CSMD3: variants seen among roughly 807,000 people sequenced by gnomAD.
The protein encoded by CSMD3 is CUB and sushi domain-containing protein 3.
A neutral mutation model predicts 435.2 loss-of-function variants in CSMD3; 177 were observed. That is an observed-to-expected ratio of 0.41 (90% CI 0.36 to 0.46). The LOEUF (loss-of-function observed/expected upper bound fraction) is 0.46, where lower values mean the gene tolerates loss of function less well. CSMD3 is among the 20% of genes least tolerant of loss of function. The probability of loss-of-function intolerance (pLI) is 0.34; values close to 1 mark genes in which losing one functional copy is unlikely to be tolerated. For missense variants in CSMD3, 4,265 were observed against 4,504.6 expected, an observed-to-expected ratio of 0.95 and a Z score of 1.52; for synonymous variants, 1,656 against 1,520.5, an observed-to-expected ratio of 1.09 and a Z score of -2.07.
intron 12 of CSMD3, among the ~76,000 whole-genome samples, chr8:112,812,442 A>G (rs1250140345): frequency 2.0e-5 from 3 of 152,306 alleles, no homozygotes; most frequent in East Asian, 1.9e-4. Flanking sequence ...GCATGCCAAC[A>G]TATAAAACCC....
intron 1 of CSMD3, among the ~76,000 whole-genome samples, chr8:113,334,277 G>GTTTTTT (rs199620801): frequency 3.8e-5 from 3 of 78,746 alleles, no homozygotes; most frequent in East Asian, 3.8e-4. Flanking sequence ...GATAGTTTAA[G>GTTTTTT]TTTTTTTTTT....
chr8:112,855,222 A>G (rs1034101973), intron 11 of CSMD3, among the ~76,000 whole-genome samples: 1 of 152,170 alleles, frequency 6.6e-6, no homozygotes, highest in Non-Finnish European at 1.5e-5. Context: ...CTAGACCAAT[A>G]TCCTTCAAAC....
chr8:113,137,997 C>T (rs2091457639), intron 4 of CSMD3, among the ~76,000 whole-genome samples: 1 of 151,542 alleles, frequency 6.6e-6, no homozygotes, highest in African/African-American at 2.4e-5. Context: ...AACAAACTTA[C>T]TTAACATTTC....
chr8:112,840,589 T>C (rs1423172580), intron 11 of CSMD3, among the ~76,000 whole-genome samples: 6 of 151,746 alleles, frequency 4.0e-5, no homozygotes, highest in African/African-American at 1.2e-4. Context: ...GTGATAAATA[T>C]AATAATTATT....
intron 4 of CSMD3, among the ~76,000 whole-genome samples, chr8:113,126,903 C>T (rs1029926482): frequency 2.6e-5 from 4 of 151,952 alleles, no homozygotes; most frequent in Non-Finnish European, 4.4e-5. Context: ...TTTCCCCTCT[C>T]CTCCTAGATA....
intron 18 of CSMD3, among the ~76,000 whole-genome samples, chr8:112,652,690 T>A (rs1367802280): frequency 6.6e-6 from 1 of 152,206 alleles, no homozygotes; most frequent in Non-Finnish European, 1.5e-5. Flanking sequence ...CAAGGCATAA[T>A]GCAAGGCAAT....
intron 30 of CSMD3, among the ~76,000 whole-genome samples, chr8:112,493,050 G>A (rs1192417161): frequency 6.6e-6 from 1 of 152,044 alleles, no homozygotes; most frequent in Non-Finnish European, 1.5e-5. Flanking sequence ...TTTAAGACAT[G>A]TTCATTTCTT....
At chr8:112,497,485 AT>A (rs2130883853) in intron 30 of CSMD3, among the ~76,000 whole-genome samples, 1 of 141,034 alleles carries the variant, frequency 7.1e-6, no homozygotes, top group South Asian at 2.1e-4. Flanking sequence ...CCATAAATAT[AT>A]ATATATATAT....
Position 112,242,262 on chromosome 8 carries a change from A to G in CSMD3, c.10403-477T>C, listed in dbSNP as rs147205613. ...AAAGGTGAAATCTTCCAGGTTTTAA[A>G]CCAAAACCAAAGGTAGTCCAAAACC... On this transcript the variant is annotated intron_variant, in intron 65 of 70. Coordinates refer to ENST00000297405, the MANE Select transcript of CSMD3 (RefSeq NM_198123.2). Among the ~76,000 whole-genome samples the G allele has an allele frequency of 2.5e-3, 386 of 152,262 alleles. 8 individuals carry two copies. The highest frequency in any genetic ancestry group is 0.017 in the Admixed American group (261 of 15,268).
chr8:113,073,851 C>A (rs2089233399), intron 5 of CSMD3, among the ~76,000 whole-genome samples: 1 of 151,732 alleles, frequency 6.6e-6, no homozygotes, highest in Non-Finnish European at 1.5e-5. Flanking sequence ...TCTTGTCATC[C>A]TAATTAATTA....
chr8:112,699,936 T>C (rs2076351224), intron 13 of CSMD3, among the ~76,000 whole-genome samples: 2 of 152,128 alleles, frequency 1.3e-5, no homozygotes, highest in Non-Finnish European at 2.9e-5. Context: ...GGTTGAATCC[T>C]GGACAAGAAA....
intron 56 of CSMD3, 92 bp downstream of exon 56, chr8:112,291,418 A>G: frequency 7.9e-6 from 7 of 887,472 alleles, no homozygotes; most frequent in Non-Finnish European, 1.3e-5. Flanking sequence ...CTTCTCTGTG[A>G]TATATATCTT....
At chr8:112,993,566 A>G (rs1280222886) in intron 6 of CSMD3, among the ~76,000 whole-genome samples, 1 of 151,884 alleles carries the variant, frequency 6.6e-6, no homozygotes, top group Non-Finnish European at 1.5e-5. Flanking sequence ...ATTATGCTGA[A>G]GATATAAAGA....
chr8:112,595,264 A>G (rs1361694475), intron 22 of CSMD3, among the ~76,000 whole-genome samples: 1 of 152,148 alleles, frequency 6.6e-6, no homozygotes, highest in Non-Finnish European at 1.5e-5. Flanking sequence ...AAAGGGTATC[A>G]GCAATGGAAG....
intron 13 of CSMD3, among the ~76,000 whole-genome samples, chr8:112,715,615 C>A (rs1256186770): frequency 1.3e-5 from 2 of 152,040 alleles, no homozygotes; most frequent in African/African-American, 4.8e-5. Context: ...GGCAGAGACA[C>A]AACAAAAAAA....
intron 3 of CSMD3, among the ~76,000 whole-genome samples, chr8:113,258,346 A>C (rs2132340585): frequency 6.6e-6 from 1 of 152,314 alleles, no homozygotes; most frequent in African/African-American, 2.4e-5. Flanking sequence ...TTATTCTGAC[A>C]CTGTGGCAGA....
chr8:112,491,607 C>T (rs146428420), intron 31 of CSMD3, among the ~76,000 whole-genome samples: 1,597 of 152,184 alleles, frequency 0.01, 35 homozygotes, highest in African/African-American at 0.036. Flanking sequence ...CCGGATCACG[C>T]CACTGCACTC....
chr8:112,317,359 C>T (rs1203065822), intron 47 of CSMD3, among the ~76,000 whole-genome samples: 1 of 151,946 alleles, frequency 6.6e-6, no homozygotes, highest in African/African-American at 2.4e-5. Context: ...AAACAAGAAG[C>T]TTGCTCTCCA....
At chr8:112,709,962 T>A (rs187115915) in intron 13 of CSMD3, among the ~76,000 whole-genome samples, 2 of 152,096 alleles carry the variant, frequency 1.3e-5, no homozygotes. Flanking sequence ...ATTTTTAAAA[T>A]GCTAAATAAG....
Sources: allele counts gnomAD v4.1 joint callset (sites outside exome capture counted in the v4.1 genomes callset), GRCh38; gene constraint gnomAD v4.1.1; transcripts MANE v1.5; gene names NCBI Gene and HGNC (gene_info 2026-07-23, HGNC 2026-07-21).